Variants in ST8SIA6 observed in about 807,000 individuals in gnomAD.
The protein encoded by ST8SIA6 is ST8 alpha-N-acetyl-neuraminide alpha-2,8-sialyltransferase 6.
Under a neutral mutation model 33.6 loss-of-function variants are expected in ST8SIA6, and 39 were observed. The observed-to-expected ratio is 1.16, with a 90% CI of 0.90 to 1.52. The LOEUF (loss-of-function observed/expected upper bound fraction) is 1.52, where lower values mean the gene tolerates loss of function less well. Among genes scored for constraint, ST8SIA6 ranks in the 40% most tolerant of loss-of-function variants. The pLI, the probability that ST8SIA6 is intolerant of heterozygous loss-of-function variation, is 0.00. For synonymous variants in ST8SIA6, 172 were observed against 167.2 expected (o/e 1.03, Z -0.22); for missense variants, 441 against 443.8 (o/e 0.99, Z 0.06).
At chr10:17,356,066 A>G (rs1223104437) in intron 4 of ST8SIA6, among the ~76,000 whole-genome samples, 3 of 152,242 alleles carry the variant, frequency 2.0e-5, no homozygotes, top group Non-Finnish European at 4.4e-5. Context: ...CTGATATTCA[A>G]TCATAAATAT....
chr10:17,395,735 TAGTC>T (rs1850782706), intron 2 of ST8SIA6, among the ~76,000 whole-genome samples: 1 of 151,890 alleles, frequency 6.6e-6, no homozygotes, highest in Non-Finnish European at 1.5e-5. Flanking sequence ...ATATAAAAAT[TAGTC>T]GGGTGTGGTG....
chr10:17,322,963 A>G (rs10466289), intron 7 of ST8SIA6, 102 bp downstream of exon 7: 299,377 of 1,017,092 alleles, frequency 0.29, 47,068 homozygotes, highest in African/African-American at 0.42. Context: ...TTCCACCTGT[A>G]CTGCAAGTCA....
rs1412697196 is a variant in ST8SIA6, at chr10:17,442,279, G to T, written c.200+11280C>A. Among the ~76,000 whole-genome samples the T allele has an allele frequency of 2.0e-5, 3 of 152,298 alleles. No homozygotes were observed. In the East Asian group the frequency reaches 5.8e-4, roughly 29 times the overall value. On this transcript the variant is annotated intron_variant, in intron 2 of 7. Coordinates refer to ENST00000377602, the MANE Select transcript of ST8SIA6 (RefSeq NM_001004470.3). ...TGTTTGGTAAATGCAATATTTTCCA[G>T]GTTGTTACAGCTTTTTCCAAGAAAC... is the stretch of plus-strand genomic sequence containing the variant.
intron 2 of ST8SIA6, among the ~76,000 whole-genome samples, chr10:17,409,063 G>A (rs552523394): frequency 1.3e-5 from 2 of 152,082 alleles, no homozygotes; most frequent in Non-Finnish European, 2.9e-5. Context: ...GATTACAGGC[G>A]TGAGCCACAG....
intron 2 of ST8SIA6, among the ~76,000 whole-genome samples, chr10:17,450,962 G>A (rs865782294): frequency 2.6e-5 from 4 of 152,124 alleles, no homozygotes; most frequent in South Asian, 4.1e-4. Context: ...GAGATTAAAC[G>A]TGTGGGATTC....
intron 2 of ST8SIA6, among the ~76,000 whole-genome samples, chr10:17,441,242 T>TA (rs1291748505): frequency 1.3e-5 from 2 of 152,164 alleles, no homozygotes; most frequent in Non-Finnish European, 2.9e-5. Context: ...CTGTAGCTTT[T>TA]GTCTGTGATC....
intron 2 of ST8SIA6, among the ~76,000 whole-genome samples, chr10:17,447,792 T>A (rs571069614): frequency 6.6e-6 from 1 of 152,264 alleles, no homozygotes; most frequent in East Asian, 1.9e-4. Flanking sequence ...ACTATGTAGA[T>A]TAATTTAACT....
At chr10:17,430,135 A>G (rs1272788018) in intron 2 of ST8SIA6, among the ~76,000 whole-genome samples, 1 of 152,126 alleles carries the variant, frequency 6.6e-6, no homozygotes, top group Admixed American at 6.5e-5. Flanking sequence ...CCCATTTATA[A>G]GTGAGGATAT....
chr10:17,332,476 A>AT (rs982101040), intron 4 of ST8SIA6, among the ~76,000 whole-genome samples: 3 of 151,792 alleles, frequency 2.0e-5, no homozygotes, highest in Non-Finnish European at 2.9e-5. Context: ...TTGTTTTTTT[A>AT]TTTTTTGAGA....
chr10:17,451,361 T>C (rs1487221716), intron 2 of ST8SIA6, among the ~76,000 whole-genome samples: 2 of 152,146 alleles, frequency 1.3e-5, no homozygotes, highest in East Asian at 3.8e-4. Flanking sequence ...AGGAGCTAAA[T>C]AATGTGTACA....
intron 3 of ST8SIA6, among the ~76,000 whole-genome samples, chr10:17,382,860 C>G (rs956508389): frequency 3.3e-4 from 50 of 152,274 alleles, no homozygotes; most frequent in African/African-American, 1.2e-3. Context: ...ATAAATTAAC[C>G]ATTAGTGTCA....
rs55996465 is a variant in ST8SIA6 at position 17,347,953 on chromosome 10, C to CAAAAAAAAAAAAAAAAAA, written c.377+11543_377+11560dup. On this transcript the variant is annotated intron_variant, in intron 4 of 7. Transcript: ENST00000377602. ...CCTAGGCGATGGTGAGACTCTGTCT[C>CAAAAAAAAAAAAAAAAAA]AAAAAAAAAAAAAAAAAAAAAATTA... is the stretch of plus-strand genomic sequence containing the variant. 1.8e-3 allele frequency among the ~76,000 whole-genome samples: 126 copies of CAAAAAAAAAAAAAAAAAA among 68,600 alleles called. 3 individuals carry two copies. The highest frequency in any genetic ancestry group is 2.7e-3 in the Non-Finnish European group (97 of 35,308). The allele number at this position is 68,600 out of a possible 152,430, so 45.0% of individuals were successfully genotyped here. A position where few individuals can be genotyped will look rare whatever the true frequency, so the allele number is the denominator to read the frequency against.
intron 3 of ST8SIA6, among the ~76,000 whole-genome samples, chr10:17,380,796 C>T (rs950057673): frequency 1.4e-5 from 2 of 145,386 alleles, no homozygotes; most frequent in Non-Finnish European, 3.0e-5. Flanking sequence ...TGTATGTGTA[C>T]ATGTTTGTGT....
chr10:17,366,388 C>T (rs1849559762), intron 3 of ST8SIA6, among the ~76,000 whole-genome samples: 1 of 151,788 alleles, frequency 6.6e-6, no homozygotes, highest in South Asian at 2.1e-4. Flanking sequence ...TTCACAGCCC[C>T]AGTGAAATCT....
At chr10:17,390,405 A>G in intron 3 of ST8SIA6, 126 bp downstream of exon 3, 1 of 770,456 alleles carries the variant, frequency 1.3e-6, no homozygotes, top group Non-Finnish European at 2.1e-6. Context: ...CAGGAGCTTC[A>G]GAGCCCAATG....
At chr10:17,410,488 A>C (rs913519) in intron 2 of ST8SIA6, 18,121 of 152,262 alleles carry the variant, frequency 0.12, 1,121 homozygotes, top group South Asian at 0.15. Flanking sequence ...CAATAATAGC[A>C]AAAACTATAA....
At chr10:17,442,534 C>G (rs1245912598) in intron 2 of ST8SIA6, among the ~76,000 whole-genome samples, 1 of 152,168 alleles carries the variant, frequency 6.6e-6, no homozygotes, top group African/African-American at 2.4e-5. Flanking sequence ...TTCCATTGAT[C>G]TGTAGCTTTT....
intron 4 of ST8SIA6, among the ~76,000 whole-genome samples, chr10:17,332,887 T>G (rs1412021706): frequency 6.6e-6 from 1 of 152,206 alleles, no homozygotes; most frequent in African/African-American, 2.4e-5. Context: ...GTTCATATCC[T>G]TTGTCCACTT....
chr10:17,448,394 C>A (rs2131747141), intron 2 of ST8SIA6, among the ~76,000 whole-genome samples: 1 of 152,298 alleles, frequency 6.6e-6, no homozygotes, highest in Admixed American at 6.5e-5. Flanking sequence ...ATCATCACCA[C>A]AGATGTTTAA....
Sources: gnomAD v4.1 joint callset for allele counts (sites outside exome capture counted in the v4.1 genomes callset) on GRCh38, gnomAD v4.1.1 for gene constraint, MANE v1.5 for transcripts, NCBI Gene and HGNC (gene_info 2026-07-23, HGNC 2026-07-21) for gene names.